ITPR2: variants seen among roughly 807,000 people sequenced by gnomAD.
The protein encoded by ITPR2 is inositol 1,4,5-trisphosphate-gated calcium channel ITPR2.
ITPR2 carries 207 observed loss-of-function variants against 317.1 expected under a neutral mutation model. That is an observed-to-expected ratio of 0.65 (90% confidence interval 0.58 to 0.73). The LOEUF (loss-of-function observed/expected upper bound fraction) is 0.73, where lower values mean the gene tolerates loss of function less well. Among genes scored for constraint, ITPR2 ranks in the 30% least tolerant of loss-of-function variants. ITPR2 has a pLI of 0.00. For synonymous variants in ITPR2, 1,156 were observed against 1,149.1 expected, an observed-to-expected ratio of 1.01 and a Z score of -0.12; for missense variants, 2,613 against 3,284.0, an observed-to-expected ratio of 0.80 and a Z score of 4.99.
Position 26,339,429 on chromosome 12 carries a change from G to T in ITPR2, c.8074C>A (p.Pro2692Thr). The change falls in exon 57 of 57, where the codon CCC becomes ACC. Residue 2692 changes from proline (P) to threonine (T), a missense_variant. Pro to Thr is a conservative substitution (Grantham distance 38). This residue lies in a region of ITPR2 where 119 missense variants were observed against 144.3 expected (regional missense o/e 0.82). Transcript: ENST00000381340. The part of the protein sequence containing the change: ...QRLGFLGSNT[P>T]HVNHHMPPH ...GGTGGCATGTGATGATTCACATGGG[G>T]TGTGTTTGATCCGAGGAAGCCCAGT... 3 of 1,613,874 alleles carry T rather than the reference G, an allele frequency of 1.9e-6. No homozygotes were observed. The South Asian group carries it at 3.3e-5, about 18-fold the overall frequency.
intron 9 of ITPR2, among the ~76,000 whole-genome samples, chr12:26,707,632 A>C (rs1468360033): frequency 6.6e-6 from 1 of 152,158 alleles, no homozygotes; most frequent in African/African-American, 2.4e-5. Context: ...CCCAGGTTCA[A>C]GCAATTCTCT....
rs201428867 is a variant in ITPR2 at position 26,658,148 on chromosome 12, T to G, written c.1887-18A>C. ...CCAAAAACCTGGCAAAAGAAAAAAATTAAATGGAATATGAAGACAAAGCAT... is the reference window on the plus strand; with the variant it reads ...CCAAAAACCTGGCAAAAGAAAAAAAGTAAATGGAATATGAAGACAAAGCAT... On this transcript the variant is annotated intron_variant, in intron 16 of 56. Transcript: ENST00000381340. The G allele has an allele frequency of 6.5e-6, 10 of 1,530,648 alleles. No individual in the cohort carries two copies. The highest frequency in any genetic ancestry group is 8.8e-6 in the Non-Finnish European group (10 of 1,135,728). 94.8% of individuals were successfully genotyped at this position (1,530,648 alleles called of 1,614,324 possible).
chr12:26,483,758 C>T lies in ITPR2; in HGVS notation c.5952G>A (p.Leu1984=), dbSNP rs1368846099. 1.2e-6 allele frequency: 2 copies of T among 1,614,136 alleles called. No homozygotes were observed. Among genetic ancestry groups the T allele is most frequent in the Non-Finnish European group, 8.5e-7 (1 of 1,180,010 alleles). Residue 1984 remains leucine, a synonymous_variant, in exon 42 of 57, where the codon CTG becomes CTA. Coordinates refer to ENST00000381340, the MANE Select transcript of ITPR2 (RefSeq NM_002223.4). ...TCAAGCTCTCCAGGTTCTGGTTGACCAGCGCTACATTCTTCTCATTGATGT... is the reference window on the plus strand; with the variant it reads ...TCAAGCTCTCCAGGTTCTGGTTGACTAGCGCTACATTCTTCTCATTGATGT... ...GLYINEKNVA[L]VNQNLESLTE... is the part of the protein sequence containing the mutation.
intron 34 of ITPR2, among the ~76,000 whole-genome samples, chr12:26,573,025 ATTT>A (rs1945200206): frequency 6.6e-6 from 1 of 151,184 alleles, no homozygotes; most frequent in Non-Finnish European, 1.5e-5. Flanking sequence ...TTATTTATTT[ATTT>A]ATTTATTTAT....
At position 26,663,808 on chromosome 12, in the gene ITPR2, T is replaced by C; in HGVS notation, c.1590A>G (p.Ala530=). The C allele has an allele frequency of 1.9e-6, 3 of 1,613,798 alleles. No homozygotes were observed. Among genetic ancestry groups the C allele is most frequent in the Non-Finnish European group, 2.5e-6 (3 of 1,179,910 alleles). The change falls in exon 15 of 57, where the codon GCA becomes GCG. Residue 530 remains alanine (A), a synonymous_variant. Transcript: ENST00000381340. ...CAAGTCTCAGCATCGAGCCTTCTCC[T>C]GCTTTCTCTTTAAAGGGTGCTTTAA... ...GILKAPFKEK[A]GEGSMLRLED... is the part of the protein sequence containing the mutation.
At chr12:26,679,055 C>A (rs1299071091) in intron 13 of ITPR2, among the ~76,000 whole-genome samples, 1 of 152,142 alleles carries the variant, frequency 6.6e-6, no homozygotes. Flanking sequence ...CAATAACAGG[C>A]AAATAAAAAT....
intron 50 of ITPR2, 53 bp from the exon 51 acceptor site, chr12:26,415,551 T>C (rs1940696958): frequency 1.1e-5 from 13 of 1,237,926 alleles, no homozygotes; most frequent in Non-Finnish European, 1.4e-5. Flanking sequence ...GAGGAAAAGG[T>C]GAACAAACAA....
At chr12:26,531,803 T>C (rs1170582417) in intron 37 of ITPR2, among the ~76,000 whole-genome samples, 2 of 152,120 alleles carry the variant, frequency 1.3e-5, no homozygotes, top group Admixed American at 6.5e-5. Flanking sequence ...TGATCAATCA[T>C]CTTGATTTAG....
intron 37 of ITPR2, among the ~76,000 whole-genome samples, chr12:26,506,569 T>C (rs960798898): frequency 6.7e-6 from 1 of 148,458 alleles, no homozygotes; most frequent in African/African-American, 2.5e-5. Flanking sequence ...TCATTACCTA[T>C]GGTCGGCTGA....
intron 32 of ITPR2, 38 bp from the exon 33 acceptor site, chr12:26,580,193 C>G (rs1565617676): frequency 6.3e-7 from 1 of 1,587,486 alleles, no homozygotes; most frequent in East Asian, 2.2e-5. Flanking sequence ...TGTTTTATCA[C>G]ATTTTTAAAC....
chr12:26,391,114 G>A (rs1939821132), intron 54 of ITPR2, among the ~76,000 whole-genome samples: 1 of 152,164 alleles, frequency 6.6e-6, no homozygotes, highest in South Asian at 2.1e-4. Flanking sequence ...GAGAAGAAGT[G>A]AATGGTAATA....
At chr12:26,489,349 G>C (rs771518937) in intron 39 of ITPR2, among the ~76,000 whole-genome samples, 8 of 152,164 alleles carry the variant, frequency 5.3e-5, no homozygotes, top group Non-Finnish European at 1.2e-4. Flanking sequence ...AGAAAGACAA[G>C]AGCATGATGC....
intron 21 of ITPR2, 43 bp from the exon 22 acceptor site, chr12:26,632,102 G>C (rs1165111960): frequency 2.1e-6 from 3 of 1,450,770 alleles, no homozygotes; most frequent in Non-Finnish European, 2.8e-6. Context: ...ACAACCCCTG[G>C]AGATCATGTA....
intron 15 of ITPR2, among the ~76,000 whole-genome samples, chr12:26,661,224 G>T (rs1229659809): frequency 7.2e-6 from 1 of 139,600 alleles, no homozygotes; most frequent in Admixed American, 7.8e-5. Flanking sequence ...TCCCTAAAGT[G>T]CATAAACATG....
At chr12:26,593,527 C>T (rs1464032321) in intron 32 of ITPR2, among the ~76,000 whole-genome samples, 6 of 152,122 alleles carry the variant, frequency 3.9e-5, no homozygotes, top group African/African-American at 1.2e-4. Context: ...TTCCTGTCAA[C>T]CCTGGTGAAG....
intron 45 of ITPR2, among the ~76,000 whole-genome samples, chr12:26,465,632 G>A (rs950290884): frequency 2.8e-5 from 4 of 144,752 alleles, no homozygotes. Context: ...TCTCTCTCTT[G>A]CTCTGCCATA....
In ITPR2 at chr12:26,398,788, G is replaced by A. The variant is rs529679060; in HGVS notation, c.7696+88C>T. 651 of 1,127,532 alleles carry A rather than the reference G, an allele frequency of 5.8e-4. 3 individuals carry two copies. Among genetic ancestry groups the A allele is most frequent in the South Asian group, 7.9e-4 (51 of 64,710 alleles). The allele number at this position is 1,127,532 out of a possible 1,614,324, so 69.8% of individuals were successfully genotyped here. A position where few individuals can be genotyped will look rare whatever the true frequency, so the allele number is the denominator to read the frequency against. ...ACCTTCATTTTGAAATAATTTTTCC[G>A]AAAGCATGAAAAATAAAAATCCCTC... On this transcript the variant is annotated intron_variant, in intron 54 of 56. Transcript: ENST00000381340.
At chr12:26,350,799 A>C (rs928840955) in intron 55 of ITPR2, among the ~76,000 whole-genome samples, 2 of 152,172 alleles carry the variant, frequency 1.3e-5, no homozygotes, top group Non-Finnish European at 2.9e-5. Flanking sequence ...CAGAGGCTGC[A>C]TAAAGAAGTG....
chr12:26,747,331 T>A (rs1160863462), intron 2 of ITPR2, among the ~76,000 whole-genome samples: 1 of 152,196 alleles, frequency 6.6e-6, no homozygotes, highest in Non-Finnish European at 1.5e-5. Context: ...AATTGCAGTA[T>A]CTTTGCAATT....
Sources: gnomAD v4.1 joint callset for allele counts (sites outside exome capture counted in the v4.1 genomes callset) on GRCh38, gnomAD v4.1.1 for gene constraint, gnomAD v4.1.1 regional missense constraint, MANE v1.5 for transcripts, NCBI Gene and HGNC (gene_info 2026-07-23, HGNC 2026-07-21) for gene names.